Variants in UTS2 observed in about 807,000 individuals in gnomAD.
UTS2 encodes the protein urotensin 2.
A neutral mutation model predicts 12.6 loss-of-function variants in UTS2; 10 were observed. The observed-to-expected ratio is 0.80, with a 90% CI of 0.49 to 1.35. UTS2 has a LOEUF of 1.35. Ranked by LOEUF, UTS2 falls within the 40% of genes most tolerant of loss-of-function variation. The pLI, the probability that UTS2 is intolerant of heterozygous loss-of-function variation, is 0.00. For missense variants in UTS2, 142 were observed against 143.2 expected, an observed-to-expected ratio of 0.99 and a Z score of 0.04; for synonymous variants, 52 against 50.0, an observed-to-expected ratio of 1.04 and a Z score of -0.17.
the UTS2 span, among the ~76,000 whole-genome samples, chr1:7,899,783 T>C: frequency 1.3e-5 from 2 of 152,224 alleles, no homozygotes; most frequent in African/African-American, 4.8e-5. Context: ...TAACATGTTT[T>C]CTCAGGAGTC....
In UTS2 at chr1:7,850,840, T is replaced by A; in HGVS notation, c.186A>T (p.Ala62=). Residue 62 remains alanine, a synonymous_variant, in exon 2 of 4, where the codon GCA becomes GCT. Transcript: ENST00000361696. ...CTTTCCTGAGAATATCCCCTCTTTC[T>A]GCACCCAGCATCTCTGGCAGTATCT... ...LLQILPEMLG[A]ERGDILRKAD... 6.2e-7 allele frequency: 1 copy of A among 1,614,230 alleles called. No individual in the cohort carries two copies. The highest frequency in any genetic ancestry group is 8.5e-7 in the Non-Finnish European group (1 of 1,180,050).
At position 7,850,852 on chromosome 1, in the gene UTS2, C is replaced by T. The variant is rs1314668979; in HGVS notation, c.174G>A (p.Glu58=). The T allele has an allele frequency of 6.2e-6, 10 of 1,614,218 alleles. No individual in the cohort carries two copies. Among genetic ancestry groups the T allele is most frequent in the Non-Finnish European group, 8.5e-6 (10 of 1,180,046 alleles). ...TATCCCCTCTTTCTGCACCCAGCAT[C>T]TCTGGCAGTATCTGTAGAAGGGAAG... ...ERASLLQILP[E]MLGAERGDIL... The change falls in exon 2 of 4, where the codon GAG becomes GAA. Residue 58 remains glutamate, a synonymous_variant. Coordinates refer to ENST00000361696, the MANE Select transcript of UTS2 (RefSeq NM_006786.4).
the UTS2 span, among the ~76,000 whole-genome samples, chr1:7,892,521 G>C: frequency 7.3e-6 from 1 of 137,466 alleles, no homozygotes; most frequent in Non-Finnish European, 1.5e-5. Flanking sequence ...TGTCATCCAG[G>C]CTGGAGAGTG....
At chr1:7,906,286 G>A in the UTS2 span, among the ~76,000 whole-genome samples, 18 of 151,342 alleles carry the variant, frequency 1.2e-4, no homozygotes, top group Non-Finnish European at 2.1e-4. Context: ...CAAAGATGCT[G>A]GTTTCACTTG....
the UTS2 span, among the ~76,000 whole-genome samples, chr1:7,878,312 G>A: frequency 1.3e-5 from 2 of 152,168 alleles, no homozygotes; most frequent in South Asian, 2.1e-4. Flanking sequence ...TGAAAGGATG[G>A]TAGATATCAT....
the UTS2 span, among the ~76,000 whole-genome samples, chr1:7,899,568 G>A: frequency 3.9e-5 from 6 of 152,010 alleles, no homozygotes; most frequent in Admixed American, 6.6e-5. Flanking sequence ...GTGCAGTGGC[G>A]TGATCATGAC....
upstream of UTS2, chr1:7,853,483 T>G: frequency 6.4e-7 from 1 of 1,573,364 alleles, no homozygotes; most frequent in South Asian, 1.2e-5. Context: ...TGTTTAGGGC[T>G]GCCATCCCTG....
At chr1:7,853,227 C>CT (rs2097416013), upstream of UTS2, 2 of 1,578,300 alleles carry the variant, frequency 1.3e-6, no homozygotes, top group African/African-American at 2.7e-5. Context: ...AATAAATTAA[C>CT]TGTCTTGTTG....
At chr1:7,903,447 C>T in the UTS2 span, among the ~76,000 whole-genome samples, 19 of 151,684 alleles carry the variant, frequency 1.3e-4, no homozygotes, top group Non-Finnish European at 2.1e-4. Context: ...AGTGCAATGG[C>T]GCAATCTCAG....
At chr1:7,883,307 ACT>A in the UTS2 span, among the ~76,000 whole-genome samples, 5 of 152,210 alleles carry the variant, frequency 3.3e-5, no homozygotes, top group African/African-American at 1.2e-4. Context: ...ACATGTTCTG[ACT>A]CATATGTGAG....
At chr1:7,848,165 G>A (rs1229255573) in intron 3 of UTS2, among the ~76,000 whole-genome samples, 1 of 152,078 alleles carries the variant, frequency 6.6e-6, no homozygotes, top group African/African-American at 2.4e-5. Flanking sequence ...AATCATTTCA[G>A]CGGCTGGGCA....
upstream of UTS2, among the ~76,000 whole-genome samples, chr1:7,856,733 G>C (rs1216723870): frequency 6.6e-6 from 1 of 152,186 alleles, no homozygotes; most frequent in Non-Finnish European, 1.5e-5. Flanking sequence ...ACAGAGGACG[G>C]AACCTAACGT....
the UTS2 span, among the ~76,000 whole-genome samples, chr1:7,894,369 G>T: frequency 2.0e-5 from 3 of 151,648 alleles, no homozygotes; most frequent in East Asian, 5.8e-4. Flanking sequence ...AGACGGGGTC[G>T]CATCATGTTG....
chr1:7,851,216 A>G (rs1375916573), intron 1 of UTS2, among the ~76,000 whole-genome samples: 1 of 152,068 alleles, frequency 6.6e-6, no homozygotes, highest in Middle Eastern at 3.2e-3. Context: ...CTTTCTCAAA[A>G]CCATTTTGGT....
chr1:7,858,386 G>A (rs924628963), upstream of UTS2, among the ~76,000 whole-genome samples: 1 of 152,112 alleles, frequency 6.6e-6, no homozygotes, highest in African/African-American at 2.4e-5. Flanking sequence ...AAAAGAGAGG[G>A]GCATTGTCTG....
chr1:7,850,787 G>A lies in UTS2; in HGVS notation c.214+25C>T, dbSNP rs776497171. On this transcript the variant is annotated intron_variant, in intron 2 of 3. Coordinates refer to ENST00000361696, the MANE Select transcript of UTS2 (RefSeq NM_006786.4). ...GTTCAGTAGCAATTAAATCAGACAC[G>A]CTATAAACATGAGAAGCATTTTACC... 39 of 1,605,676 alleles carry A rather than the reference G, an allele frequency of 2.4e-5. No individual in the cohort carries two copies. The East Asian group carries it at 3.6e-4, about 15-fold the overall frequency.
At chr1:7,874,112 T>C in the UTS2 span, among the ~76,000 whole-genome samples, 1 of 151,568 alleles carries the variant, frequency 6.6e-6, no homozygotes. Context: ...GCAAAGAGAA[T>C]GATGTGAAGC....
the UTS2 span, among the ~76,000 whole-genome samples, chr1:7,875,216 A>C: frequency 0.17 from 26,190 of 151,884 alleles, 2,903 homozygotes; most frequent in South Asian, 0.28. Flanking sequence ...CTGGGACTAC[A>C]GGCGCCCGCC....
chr1:7,857,313 C>T (rs1578031358), upstream of UTS2, among the ~76,000 whole-genome samples: 1 of 152,118 alleles, frequency 6.6e-6, no homozygotes, highest in African/African-American at 2.4e-5. Flanking sequence ...CCCCACAATC[C>T]TCCATCTCTC....
Sources: allele counts gnomAD v4.1 joint callset (sites outside exome capture counted in the v4.1 genomes callset), GRCh38; gene constraint gnomAD v4.1.1; transcripts MANE v1.5; gene names NCBI Gene and HGNC (gene_info 2026-07-23, HGNC 2026-07-21).